TARS3: variants seen among roughly 807,000 people sequenced by gnomAD.
TARS3 encodes the protein threonine--tRNA ligase 2, cytoplasmic.
In TARS3, 94 loss-of-function variants were observed where a neutral mutation model predicts 103.5. That is an observed-to-expected ratio of 0.91 (90% confidence interval 0.77 to 1.08). The LOEUF (loss-of-function observed/expected upper bound fraction) is 1.08. Ranked by LOEUF, TARS3 falls within the 50% of genes least tolerant of loss-of-function variation. The pLI is 0.00. For missense variants in TARS3, 952 were observed against 995.2 expected, an observed-to-expected ratio of 0.96 and a Z score of 0.58; for synonymous variants, 416 against 355.4, an observed-to-expected ratio of 1.17 and a Z score of -1.92.
intron 18 of TARS3, chr15:101,655,750 C>T: frequency 9.3e-7 from 1 of 1,077,414 alleles, no homozygotes; most frequent in South Asian, 1.7e-5. Context: ...CCACCTGGCA[C>T]TAGGGTGCAG....
Position 101,685,260 on chromosome 15 carries a change from G to A in TARS3, c.1487+636C>T, listed in dbSNP as rs143908702. On this transcript the variant is annotated intron_variant, in intron 11 of 18. Transcript: ENST00000335968. The stretch of plus-strand genomic sequence containing the variant: ...GGACAATTATGCCTATTCAGTTTCA[G>A]TTGTACAATATGTTTGTCTTACAAG... Among the ~76,000 whole-genome samples, 245 of 152,246 alleles carry A rather than the reference G, an allele frequency of 1.6e-3. 1 individual carries two copies. The highest frequency in any genetic ancestry group is 6.8e-3 in the Middle Eastern group (2 of 294).
intron 1 of TARS3, 128 bp from the exon 2 acceptor site, chr15:101,723,292 C>G: frequency 1.4e-6 from 1 of 724,076 alleles, no homozygotes; most frequent in East Asian, 2.5e-5. Flanking sequence ...CTCCTGACCA[C>G]CAGCTACAGC....
At chr15:101,686,125 A>C in intron 10 of TARS3, 63 bp from the exon 11 acceptor site, 1 of 1,414,026 alleles carries the variant, frequency 7.1e-7, no homozygotes, top group Non-Finnish European at 9.6e-7. Flanking sequence ...CATGCAAAGT[A>C]ACACTATGAG....
rs767195218 is a variant in TARS3, at chr15:101,654,689, G to A, written c.2302C>T (p.Arg768Ter). 5.0e-6 allele frequency: 8 copies of A among 1,613,840 alleles called. No individual in the cohort carries two copies. Among genetic ancestry groups the A allele is most frequent in the East Asian group, 2.2e-5 (1 of 44,876 alleles). The change falls in exon 19 of 19, where the codon CGA (arginine) becomes TGA (stop). Residue 768 changes from arginine (R) to a stop codon, truncating the protein, a stop_gained. Coordinates refer to ENST00000335968, the MANE Select transcript of TARS3 (RefSeq NM_152334.3). LOFTEE classifies it high-confidence loss of function. Reference protein sequence around the residue: ...KEKIDNAVNVRTRDNKIHGEI... With the variant: ...KEKIDNAVNV The stretch of plus-strand genomic sequence containing the variant: ...CCATGAATTTTGTTGTCTCTTGTTC[G>A]CACGTTTACAGCATTATCTATCTTT...
chr15:101,711,853 T>A lies in TARS3; in HGVS notation c.812+27A>T, dbSNP rs186814956. On this transcript the variant is annotated intron_variant, in intron 5 of 18. Transcript: ENST00000335968. ...GAACAATACAATTGAAACACATGCA[T>A]TCACAAGCCAGTATTCAGTGTGTTA... 3.7e-6 allele frequency: 6 copies of A among 1,610,678 alleles called. No homozygotes were observed. In the Admixed American group the frequency reaches 5.0e-5, roughly 13 times the overall value.
chr15:101,719,071 G>A (rs1480281253), intron 3 of TARS3, among the ~76,000 whole-genome samples: 1 of 152,154 alleles, frequency 6.6e-6, no homozygotes, highest in Non-Finnish European at 1.5e-5. Context: ...GAGGATCATG[G>A]GATAAGACAG....
intron 12 of TARS3, among the ~76,000 whole-genome samples, chr15:101,676,495 GTTTT>G (rs1245160897): frequency 1.3e-5 from 2 of 151,942 alleles, no homozygotes; most frequent in Non-Finnish European, 2.9e-5. Flanking sequence ...GCAATGGCTA[GTTTT>G]TTGTTTTGTT....
intron 12 of TARS3, among the ~76,000 whole-genome samples, chr15:101,680,346 T>C (rs1898211098): frequency 6.6e-6 from 1 of 152,242 alleles, no homozygotes; most frequent in Non-Finnish European, 1.5e-5. Context: ...GTCCTTTGGC[T>C]ACAGCAAGCA....
chr15:101,653,616 T>C lies in TARS3; in HGVS notation c.*966A>G, dbSNP rs974905357. The C allele has an allele frequency of 2.0e-5, 3 of 152,022 alleles. No individual in the cohort carries two copies. The highest frequency in any genetic ancestry group is 7.2e-5 in the African/African-American group (3 of 41,454). The allele number at this position is 152,022 out of a possible 1,614,324, so 9.4% of individuals were successfully genotyped here. On this transcript the variant is annotated 3_prime_UTR_variant, in exon 19 of 19. Transcript: ENST00000335968. Reference sequence around the variant, plus strand: ...CACAAGCCTGATATATATTGTTTTGTTTGCCAACTGTTTCACTGTTCACAT... The same window carrying C: ...CACAAGCCTGATATATATTGTTTTGCTTGCCAACTGTTTCACTGTTCACAT...
intron 14 of TARS3, 36 bp from the exon 15 acceptor site, chr15:101,671,622 T>C (rs369126684): frequency 6.2e-7 from 1 of 1,609,940 alleles, no homozygotes; most frequent in Non-Finnish European, 8.5e-7. Flanking sequence ...GAAAAGAGTA[T>C]TTATTTTTCT....
intron 16 of TARS3, among the ~76,000 whole-genome samples, chr15:101,660,945 TCATC>T (rs1897352230): frequency 6.6e-6 from 1 of 152,248 alleles, no homozygotes; most frequent in Non-Finnish European, 1.5e-5. Flanking sequence ...TTCTGAGTGA[TCATC>T]CACATTTCTG....
intron 12 of TARS3, among the ~76,000 whole-genome samples, chr15:101,678,949 A>C (rs1898143202): frequency 6.6e-6 from 1 of 152,136 alleles, no homozygotes; most frequent in Admixed American, 6.5e-5. Flanking sequence ...GCACTTTAAA[A>C]GTATTGTGCC....
chr15:101,700,573 C>G (rs1169342624), intron 10 of TARS3, among the ~76,000 whole-genome samples: 1 of 151,990 alleles, frequency 6.6e-6, no homozygotes, highest in Non-Finnish European at 1.5e-5. Context: ...TTTATGAAAT[C>G]CAGGAATGTA....
intron 10 of TARS3, among the ~76,000 whole-genome samples, chr15:101,690,456 T>C (rs1400631079): frequency 6.6e-6 from 1 of 152,240 alleles, no homozygotes; most frequent in Non-Finnish European, 1.5e-5. Flanking sequence ...GCTAATGGCC[T>C]GCTGTTCCTG....
chr15:101,717,655 T>A (rs556363704), intron 3 of TARS3, among the ~76,000 whole-genome samples: 1 of 152,372 alleles, frequency 6.6e-6, no homozygotes, highest in East Asian at 1.9e-4. Context: ...CCATGTGCTA[T>A]TCTTTCTGGA....
intron 10 of TARS3, among the ~76,000 whole-genome samples, chr15:101,688,539 A>G (rs1485678315): frequency 6.6e-6 from 1 of 152,182 alleles, no homozygotes; most frequent in African/African-American, 2.4e-5. Flanking sequence ...AAAAACATCT[A>G]AATAGCTTCT....
At chr15:101,692,693 T>A (rs1898779884) in intron 10 of TARS3, among the ~76,000 whole-genome samples, 1 of 152,248 alleles carries the variant, frequency 6.6e-6, no homozygotes, top group Non-Finnish European at 1.5e-5. Flanking sequence ...TCTGCAGGCC[T>A]AGTGATGGAG....
At position 101,711,887 on chromosome 15, in the gene TARS3, C is replaced by G. The variant is rs1899885506; in HGVS notation, c.805G>C (p.Glu269Gln). 1.2e-6 allele frequency: 2 copies of G among 1,613,644 alleles called. No individual in the cohort carries two copies. The highest frequency in any genetic ancestry group is 2.7e-5 in the African/African-American group (2 of 74,896). Residue 269 changes from glutamate (E) to glutamine (Q), a missense_variant, in exon 5 of 19, where the codon GAA becomes CAA. This residue lies in a region of TARS3 where 412 missense variants were observed against 364.2 expected (regional missense o/e 1.13). Coordinates refer to ENST00000335968, the MANE Select transcript of TARS3 (RefSeq NM_152334.3). ...CAGTATTCAGTGTGTTACCTGTCTT[C>G]AATGAACATGTCATAATAAAATCCA... ...ENGFYYDMFIEDRAVSSTELS... is the reference protein window; with the variant it reads ...ENGFYYDMFIQDRAVSSTELS...
chr15:101,672,871 C>T (rs1363533075), intron 13 of TARS3, among the ~76,000 whole-genome samples: 1 of 152,094 alleles, frequency 6.6e-6, no homozygotes, highest in Admixed American at 6.5e-5. Context: ...CAAATGAGGC[C>T]CTCCTACAGC....
Sources: allele counts gnomAD v4.1 joint callset (sites outside exome capture counted in the v4.1 genomes callset), GRCh38; gene constraint gnomAD v4.1.1; regional missense constraint gnomAD v4.1.1; transcripts MANE v1.5; gene names NCBI Gene and HGNC (gene_info 2026-07-23, HGNC 2026-07-21).